HECW1: variants seen among roughly 807,000 people sequenced by gnomAD.
The protein encoded by HECW1 is HECT, C2 and WW domain containing E3 ubiquitin protein ligase 1, also known as E3 ubiquitin-protein ligase HECW1.
Under a neutral mutation model 182.3 loss-of-function variants are expected in HECW1, and 61 were observed. The ratio of observed to expected loss-of-function variants is 0.33; its 90% CI spans 0.27 to 0.41. The LOEUF is 0.41. Among genes scored for constraint, HECW1 ranks in the 10% least tolerant of loss-of-function variants. The pLI is 1.00. For synonymous variants in HECW1, 859 were observed against 832.6 expected, an observed-to-expected ratio of 1.03 and a Z score of -0.55; for missense variants, 1,739 against 2,108.9, an observed-to-expected ratio of 0.82 and a Z score of 3.44.
At chr7:43,180,505 C>G (rs1583846123) in intron 2 of HECW1, among the ~76,000 whole-genome samples, 1 of 152,124 alleles carries the variant, frequency 6.6e-6, no homozygotes, top group Non-Finnish European at 1.5e-5. Context: ...ACGCCATTCT[C>G]CTGCCTCAGC....
intron 6 of HECW1, among the ~76,000 whole-genome samples, chr7:43,389,764 C>T (rs923850436): frequency 6.6e-6 from 1 of 152,034 alleles, no homozygotes; most frequent in African/African-American, 2.4e-5. Context: ...CCTCAGCCTC[C>T]CAAGTAACTG....
chr7:43,428,328 G>A (rs1157452425), intron 8 of HECW1, among the ~76,000 whole-genome samples: 1 of 152,134 alleles, frequency 6.6e-6, no homozygotes, highest in African/African-American at 2.4e-5. Context: ...CATTTTTGCA[G>A]TATCATTATC....
At chr7:43,125,999 G>T (rs1002896232) in intron 2 of HECW1, among the ~76,000 whole-genome samples, 1 of 150,462 alleles carries the variant, frequency 6.6e-6, no homozygotes, top group African/African-American at 2.4e-5. Flanking sequence ...CATGGGAAAT[G>T]GTCCAAAAGC....
chr7:43,448,087 A>T (rs1430904555), intron 11 of HECW1, among the ~76,000 whole-genome samples: 1 of 152,164 alleles, frequency 6.6e-6, no homozygotes, highest in Non-Finnish European at 1.5e-5. Flanking sequence ...GTGAGCTGAG[A>T]TCGTGCCATT....
intron 24 of HECW1, among the ~76,000 whole-genome samples, chr7:43,513,960 C>T (rs2152932171): frequency 6.6e-6 from 1 of 152,302 alleles, no homozygotes; most frequent in Non-Finnish European, 1.5e-5. Flanking sequence ...GACCTGGCCA[C>T]AGCAGGGCAA....
chr7:43,184,131 A>G (rs1396567044), intron 2 of HECW1, among the ~76,000 whole-genome samples: 2 of 152,102 alleles, frequency 1.3e-5, no homozygotes, highest in Admixed American at 6.6e-5. Context: ...CTCCTGCCTC[A>G]GCCTCCTGAG....
intron 6 of HECW1, among the ~76,000 whole-genome samples, chr7:43,382,505 A>C (rs1424300424): frequency 6.6e-6 from 1 of 152,240 alleles, no homozygotes; most frequent in Non-Finnish European, 1.5e-5. Context: ...TTTCAACATC[A>C]TAGAGAAAAT....
intron 13 of HECW1, among the ~76,000 whole-genome samples, chr7:43,461,287 A>G (rs940075418): frequency 6.6e-6 from 1 of 152,220 alleles, no homozygotes; most frequent in Non-Finnish European, 1.5e-5. Flanking sequence ...ACCTGCACAG[A>G]GACTTTCCAC....
intron 24 of HECW1, among the ~76,000 whole-genome samples, chr7:43,515,991 AG>A (rs2080130040): frequency 6.6e-6 from 1 of 152,258 alleles, no homozygotes; most frequent in African/African-American, 2.4e-5. Flanking sequence ...TATATAGGAA[AG>A]ATTCACATTT....
At chr7:43,344,780 T>C (rs1434457458) in intron 5 of HECW1, among the ~76,000 whole-genome samples, 1 of 152,194 alleles carries the variant, frequency 6.6e-6, no homozygotes, top group Non-Finnish European at 1.5e-5. Context: ...CTCCTCTGTG[T>C]TGTTTAATCT....
Position 43,396,859 on chromosome 7 carries a change from A to G in HECW1, c.601A>G (p.Ser201Gly). 1 of 1,613,078 alleles carries G rather than the reference A, an allele frequency of 6.2e-7. No individual in the cohort carries two copies. Among genetic ancestry groups the G allele is most frequent in the Non-Finnish European group, 8.5e-7 (1 of 1,179,710 alleles). ...GADETVQGQG[S>G]RRLISFSLSD... The stretch of plus-strand genomic sequence containing the variant: ...TGATGAGACCGTCCAAGGACAAGGA[A>G]GTCGGAGGCTGATCAGCTTCTCTCT... The change falls in exon 7 of 30, where the codon AGT (serine) becomes GGT (glycine). Residue 201 changes from serine to glycine, a missense_variant. By Grantham distance (56) the Ser-to-Gly change is moderately conservative. Around this residue, in one of 5 missense-constraint regions of HECW1, gnomAD observed 279 missense variants for 353.1 expected, o/e 0.79. Coordinates refer to ENST00000395891, the MANE Select transcript of HECW1 (RefSeq NM_015052.5).
chr7:43,256,636 A>G (rs1360802332), intron 3 of HECW1, among the ~76,000 whole-genome samples: 1 of 151,926 alleles, frequency 6.6e-6, no homozygotes, highest in Non-Finnish European at 1.5e-5. Context: ...AGAAAAGAAA[A>G]GATGAACATC....
At chr7:43,438,764 A>G (rs1019518887) in intron 9 of HECW1, 2 of 152,252 alleles carry the variant, frequency 1.3e-5, no homozygotes, top group African/African-American at 4.8e-5. Context: ...ATGACCAGAT[A>G]ACAGCCCTAT....
chr7:43,466,577 C>T lies in HECW1; in HGVS notation c.2913+9C>T, dbSNP rs1031089489. 1.2e-6 allele frequency: 2 copies of T among 1,611,878 alleles called. No individual in the cohort carries two copies. Among genetic ancestry groups the T allele is most frequent in the Non-Finnish European group, 1.7e-6 (2 of 1,179,356 alleles). On this transcript the variant is annotated intron_variant, in intron 15 of 29. Transcript: ENST00000395891. ...TGCTACATGCCAATTATGTGAGTGC[C>T]CTAAAATGCAGAGGGGGCGGCCTGG...
intron 14 of HECW1, among the ~76,000 whole-genome samples, chr7:43,464,805 A>G (rs2077707496): frequency 6.6e-6 from 1 of 151,760 alleles, no homozygotes; most frequent in South Asian, 2.1e-4. Flanking sequence ...TTTTTCTGTT[A>G]TTATTATTAT....
intron 3 of HECW1, among the ~76,000 whole-genome samples, chr7:43,272,360 C>T (rs1394367802): frequency 6.6e-6 from 1 of 152,098 alleles, no homozygotes; most frequent in Non-Finnish European, 1.5e-5. Context: ...AGAGCTTCTG[C>T]ATGGCAAAAG....
At chr7:43,459,912 T>C (rs1254746412) in intron 13 of HECW1, among the ~76,000 whole-genome samples, 3 of 152,220 alleles carry the variant, frequency 2.0e-5, no homozygotes, top group Non-Finnish European at 2.9e-5. Flanking sequence ...GTTATGATGG[T>C]GATATGTAGT....
chr7:43,516,894 G>A (rs1460715152), intron 24 of HECW1, among the ~76,000 whole-genome samples: 1 of 152,182 alleles, frequency 6.6e-6, no homozygotes, highest in Non-Finnish European at 1.5e-5. Context: ...ACAATAGCAA[G>A]TATTTGTGTA....
At position 43,444,883 on chromosome 7, in the gene HECW1, C is replaced by T. The variant is rs1264350556; in HGVS notation, c.1711C>T (p.Pro571Ser). 8.1e-6 allele frequency: 13 copies of T among 1,607,054 alleles called. No individual in the cohort carries two copies. Residue 571 changes from proline to serine, a missense_variant, in exon 11 of 30, where the codon CCC (proline) becomes TCC (serine). Pro to Ser is a moderately conservative substitution (Grantham distance 74). Around this residue, in one of 5 missense-constraint regions of HECW1, gnomAD observed 971 missense variants for 1,029.1 expected, o/e 0.94. Transcript: ENST00000395891. This position sits in a 1 kb window ranked among gnomAD's most constrained non-coding sequence, Gnocchi z 4.3. The part of the protein sequence containing the change: ...IRIHTLLHSM[P>S]SAQGGSAAEE... ...CATCCACACCCTGCTGCACAGCATG[C>T]CCTCCGCCCAGGGCGGCAGCGCGGC...
Sources: gnomAD v4.1 joint callset for allele counts (sites outside exome capture counted in the v4.1 genomes callset) on GRCh38, gnomAD v4.1.1 for gene constraint, gnomAD v4.1.1 regional missense constraint, Gnocchi (gnomAD v3.1) non-coding constraint, MANE v1.5 for transcripts, NCBI Gene and HGNC (gene_info 2026-07-23, HGNC 2026-07-21) for gene names.